MEI4: variants seen among roughly 807,000 people sequenced by gnomAD.
MEI4 encodes meiotic double-stranded break formation protein 4, also known as meiosis-specific protein MEI4.
In MEI4, 27 loss-of-function variants were observed where a neutral mutation model predicts 31.4. The observed-to-expected ratio is 0.86, with a 90% CI of 0.63 to 1.19. The LOEUF (loss-of-function observed/expected upper bound fraction) is 1.19. MEI4 is among the 50% of genes most tolerant of loss of function. The probability of loss-of-function intolerance (pLI) is 0.00; values close to 1 mark genes in which losing one functional copy is unlikely to be tolerated. For missense variants in MEI4, 329 were observed against 398.9 expected (o/e 0.82, Z 1.49); for synonymous variants, 122 against 145.4 (o/e 0.84, Z 1.16).
chr6:77,741,191 A>T (rs1227201086), intron 2 of MEI4, among the ~76,000 whole-genome samples: 1 of 152,186 alleles, frequency 6.6e-6, no homozygotes, highest in Non-Finnish European at 1.5e-5. Context: ...AGGAATTTAA[A>T]GTTGCTTGCA....
At chr6:77,701,020 C>T (rs1487757328) in intron 2 of MEI4, among the ~76,000 whole-genome samples, 1 of 152,028 alleles carries the variant, frequency 6.6e-6, no homozygotes, top group Non-Finnish European at 1.5e-5. Context: ...TTCTCAAAAC[C>T]TTTTTTGTGA....
chr6:77,799,852 A>G (rs6941752), intron 3 of MEI4, among the ~76,000 whole-genome samples: 23,932 of 151,864 alleles, frequency 0.16, 2,267 homozygotes, highest in East Asian at 0.39. Flanking sequence ...CCATTCGTCT[A>G]TATCTCTGCT....
At position 77,761,396 on chromosome 6, in the gene MEI4, G is replaced by A. The variant is rs1167853645; in HGVS notation, c.499G>A (p.Gly167Ser). ...TGAATTAAAGAACTTGACAGAATCA[G>A]GTAATCTTAAAAGAGACTTAACCCA... Reference protein sequence around the residue: ...LLELKNLTESGNLKRDLTHFE... With the variant: ...LLELKNLTESSNLKRDLTHFE... The change falls in exon 3 of 5, where the codon GGT becomes AGT. Residue 167 changes from glycine to serine, a missense_variant. Physicochemically the swap from Gly to Ser is moderately conservative, Grantham distance 56. Coordinates refer to ENST00000684080, the MANE Select transcript of MEI4 (RefSeq NM_001322247.2). 7 of 1,231,998 alleles carry A rather than the reference G, an allele frequency of 5.7e-6. No individual in the cohort carries two copies. In the Admixed American group the frequency reaches 3.0e-4, roughly 52 times the overall value. The allele number at this position is 1,231,998 out of a possible 1,614,324, so 76.3% of individuals were successfully genotyped here. A position where few individuals can be genotyped will look rare whatever the true frequency, so the allele number is the denominator to read the frequency against.
At chr6:77,831,309 A>T (rs1770072883) in intron 4 of MEI4, among the ~76,000 whole-genome samples, 1 of 151,910 alleles carries the variant, frequency 6.6e-6, no homozygotes, top group Non-Finnish European at 1.5e-5. Context: ...GTAGGAATGT[A>T]AAGTAGTATA....
At chr6:77,814,985 C>T (rs73760900) in intron 3 of MEI4, among the ~76,000 whole-genome samples, 2,446 of 152,142 alleles carry the variant, frequency 0.016, 61 homozygotes, top group African/African-American at 0.055. Flanking sequence ...GTTCTGTGCC[C>T]ACTGTACCAA....
At chr6:77,780,542 C>A (rs926212598) in intron 3 of MEI4, among the ~76,000 whole-genome samples, 3 of 152,134 alleles carry the variant, frequency 2.0e-5, no homozygotes, top group Admixed American at 2.0e-4. Context: ...CCTGGGTCTG[C>A]AGGTCAGACC....
At chr6:77,713,577 G>A (rs1015641689) in intron 2 of MEI4, among the ~76,000 whole-genome samples, 5 of 152,188 alleles carry the variant, frequency 3.3e-5, no homozygotes, top group Non-Finnish European at 5.9e-5. Context: ...AATCAAAAGT[G>A]AAAGATCCTC....
intron 4 of MEI4, among the ~76,000 whole-genome samples, chr6:77,832,070 C>T (rs1344138441): frequency 6.6e-6 from 1 of 151,900 alleles, no homozygotes; most frequent in Non-Finnish European, 1.5e-5. Context: ...ATTAAAAATG[C>T]ATCAAAATAT....
At position 77,923,882 on chromosome 6, in the gene MEI4, T is replaced by C. The variant is rs985957364; in HGVS notation, c.*536T>C. ...TAGAACTTTTTTAACATTTGGAAAC[T>C]TAATTGCTTTTTATTTATTTCAATT... is the stretch of plus-strand genomic sequence containing the variant. On this transcript the variant is annotated 3_prime_UTR_variant, in exon 5 of 5. Transcript: ENST00000684080. 5 of 151,810 alleles carry C rather than the reference T, an allele frequency of 3.3e-5. No homozygotes were observed. The highest frequency in any genetic ancestry group is 1.2e-4 in the African/African-American group (5 of 41,424). The allele number at this position is 151,810 out of a possible 1,614,324, so 9.4% of individuals were successfully genotyped here.
At chr6:77,866,982 C>T (rs1395082366) in intron 4 of MEI4, among the ~76,000 whole-genome samples, 2 of 152,272 alleles carry the variant, frequency 1.3e-5, no homozygotes, top group South Asian at 2.1e-4. Flanking sequence ...AAAGGATTCC[C>T]TATTTAATAT....
At chr6:77,866,074 G>A (rs972303142) in intron 4 of MEI4, among the ~76,000 whole-genome samples, 2 of 151,770 alleles carry the variant, frequency 1.3e-5, no homozygotes, top group South Asian at 2.1e-4. Context: ...CTGATGGGAC[G>A]TACCTCAAAA....
chr6:77,905,841 T>A (rs1766285494), intron 4 of MEI4, among the ~76,000 whole-genome samples: 1 of 151,340 alleles, frequency 6.6e-6, no homozygotes, highest in Non-Finnish European at 1.5e-5. Context: ...CCCTTTATAT[T>A]TTTTTCTCTT....
intron 2 of MEI4, among the ~76,000 whole-genome samples, chr6:77,733,904 G>T (rs912597858): frequency 6.6e-6 from 1 of 152,052 alleles, no homozygotes; most frequent in Non-Finnish European, 1.5e-5. Context: ...TCATTCAGGA[G>T]CATGTTGTTC....
At chr6:77,694,022 TTAAA>T (rs1351485891) in intron 2 of MEI4, among the ~76,000 whole-genome samples, 1 of 151,996 alleles carries the variant, frequency 6.6e-6, no homozygotes, top group African/African-American at 2.4e-5. Flanking sequence ...CAACCCAAAA[TTAAA>T]TAAAGCAAAG....
Position 77,828,808 on chromosome 6 carries a change from G to C in MEI4, c.769-123G>C, listed in dbSNP as rs961522416. On this transcript the variant is annotated intron_variant, in intron 3 of 4. Transcript: ENST00000684080. Reference sequence around the variant, plus strand: ...GTATTTTATGGTTGTTCTTGAGACTGACCCAGAATTACATTGATACTTTTT... The same window carrying C: ...GTATTTTATGGTTGTTCTTGAGACTCACCCAGAATTACATTGATACTTTTT... 6 of 672,472 alleles carry C rather than the reference G, an allele frequency of 8.9e-6. No homozygotes were observed. In the African/African-American group the frequency reaches 1.1e-4, roughly 13 times the overall value. The allele number at this position is 672,472 out of a possible 1,614,324, so 41.7% of individuals were successfully genotyped here. A position where few individuals can be genotyped will look rare whatever the true frequency, so the allele number is the denominator to read the frequency against.
chr6:77,878,668 T>C (rs1187035972), intron 4 of MEI4, among the ~76,000 whole-genome samples: 2 of 152,134 alleles, frequency 1.3e-5, no homozygotes, highest in African/African-American at 2.4e-5. Flanking sequence ...TTGTTTTCTT[T>C]ATTTTTTTAA....
chr6:77,678,677 C>T (rs1348598477), intron 1 of MEI4, among the ~76,000 whole-genome samples: 1 of 151,608 alleles, frequency 6.6e-6, no homozygotes, highest in African/African-American at 2.4e-5. Flanking sequence ...TATGTATTTA[C>T]TATATGTTTT....
At chr6:77,908,961 C>A (rs1040184059) in intron 4 of MEI4, among the ~76,000 whole-genome samples, 1 of 152,074 alleles carries the variant, frequency 6.6e-6, no homozygotes, top group African/African-American at 2.4e-5. Context: ...AGAAAGTTAA[C>A]AAGGATATCC....
rs1766847332 is a variant in MEI4 at position 77,926,470 on chromosome 6, C to T, written c.*3124C>T. The T allele has an allele frequency of 6.6e-6, 1 of 151,884 alleles. No individual in the cohort carries two copies. The highest frequency in any genetic ancestry group is 2.4e-5 in the African/African-American group (1 of 41,388). 9.4% of individuals were successfully genotyped at this position (151,884 alleles called of 1,614,324 possible). Reference sequence around the variant, plus strand: ...AAATGGGGAGAGAAAACAAATCTGACTGGTTTGTTCTTGGAAAAATATATA... The same window carrying T: ...AAATGGGGAGAGAAAACAAATCTGATTGGTTTGTTCTTGGAAAAATATATA... On this transcript the variant is annotated 3_prime_UTR_variant, in exon 5 of 5. Transcript: ENST00000684080.
Sources: allele counts gnomAD v4.1 joint callset (sites outside exome capture counted in the v4.1 genomes callset), GRCh38; gene constraint gnomAD v4.1.1; transcripts MANE v1.5; gene names NCBI Gene and HGNC (gene_info 2026-07-23, HGNC 2026-07-21).